TMEM273: variants seen among roughly 807,000 people sequenced by gnomAD.
TMEM273 encodes the protein transmembrane protein 273.
A neutral mutation model predicts 17.9 loss-of-function variants in TMEM273; 19 were observed. The observed-to-expected ratio is 1.06, with a 90% CI of 0.74 to 1.55. TMEM273 has a LOEUF of 1.55. Ranked by LOEUF, TMEM273 falls within the 40% of genes most tolerant of loss-of-function variation. TMEM273 has a pLI of 0.00. For missense variants in TMEM273, 194 were observed against 155.6 expected, an observed-to-expected ratio of 1.25 and a Z score of -1.31; for synonymous variants, 66 against 62.0, an observed-to-expected ratio of 1.07 and a Z score of -0.31.
At chr10:49,188,195 G>A in intron 1 of TMEM273, 99 bp downstream of exon 1, 2 of 1,309,516 alleles carry the variant, frequency 1.5e-6, no homozygotes, top group Non-Finnish European at 2.2e-6. Flanking sequence ...AAGGGACAGA[G>A]TTATGTTTTA....
chr10:49,167,143 A>G (rs1846247776), intron 2 of TMEM273, 134 bp from the exon 3 acceptor site: 2 of 1,237,354 alleles, frequency 1.6e-6, no homozygotes, highest in East Asian at 2.6e-5. Context: ...CTCACCTTCT[A>G]CTCTCCCATG....
At chr10:49,174,090 A>G (rs1325662880) in intron 1 of TMEM273, among the ~76,000 whole-genome samples, 2 of 152,202 alleles carry the variant, frequency 1.3e-5, no homozygotes, top group Admixed American at 1.3e-4. Flanking sequence ...GGGATGCAGG[A>G]CGCTGACATA....
At chr10:49,176,202 G>A (rs570693506) in intron 1 of TMEM273, among the ~76,000 whole-genome samples, 2 of 152,302 alleles carry the variant, frequency 1.3e-5, no homozygotes, top group East Asian at 3.9e-4. Context: ...AAGCAAACAC[G>A]CCACCACCTG....
Position 49,155,496 on chromosome 10 carries a change from T to C in TMEM273, c.*396A>G, listed in dbSNP as rs888749052. 8 of 239,226 alleles carry C rather than the reference T, an allele frequency of 3.3e-5. No individual in the cohort carries two copies. The highest frequency in any genetic ancestry group is 1.8e-4 in the Admixed American group (3 of 16,994). 14.8% of individuals were successfully genotyped at this position (239,226 alleles called of 1,614,324 possible). ...AAGTAGTGCCTAACTGTTGATAAGA[T>C]GGCAGTGTGTAGGAAGCTGTGTGTT... On this transcript the variant is annotated 3_prime_UTR_variant, in exon 7 of 7. Coordinates refer to ENST00000374153, the MANE Select transcript of TMEM273 (RefSeq NM_001288740.3).
At position 49,165,303 on chromosome 10, in the gene TMEM273, T is replaced by C; in HGVS notation, c.270-20A>G. The C allele has an allele frequency of 6.4e-7, 1 of 1,550,492 alleles. No homozygotes were observed. The highest frequency in any genetic ancestry group is 8.7e-7 in the Non-Finnish European group (1 of 1,146,966). Reference sequence around the variant, plus strand: ...AGCTTTCTGGCAAAGAGCATTCCAATTACAGAAAACAGCAAGTGCAAAGGT... The same window carrying C: ...AGCTTTCTGGCAAAGAGCATTCCAACTACAGAAAACAGCAAGTGCAAAGGT... On this transcript the variant is annotated intron_variant, in intron 4 of 6. Transcript: ENST00000374153.
intron 1 of TMEM273, among the ~76,000 whole-genome samples, chr10:49,184,748 G>A (rs1182239742): frequency 6.6e-6 from 1 of 152,210 alleles, no homozygotes; most frequent in Non-Finnish European, 1.5e-5. Context: ...CCCTGCCAGG[G>A]GTGTCTGCTA....
At chr10:49,167,876 C>T in intron 2 of TMEM273, 33 bp downstream of exon 2, 1 of 1,613,068 alleles carries the variant, frequency 6.2e-7, no homozygotes, top group Non-Finnish European at 8.5e-7. Flanking sequence ...TGCCCCTGAC[C>T]CTGTGCACAG....
chr10:49,165,392 A>G, intron 4 of TMEM273, 109 bp from the exon 5 acceptor site: 1 of 1,528,756 alleles, frequency 6.5e-7, no homozygotes, highest in Non-Finnish European at 8.8e-7. Context: ...CCTTGATGCC[A>G]GCAGGGAAGC....
At chr10:49,175,078 T>A (rs1474424553) in intron 1 of TMEM273, among the ~76,000 whole-genome samples, 1 of 150,850 alleles carries the variant, frequency 6.6e-6, no homozygotes, top group Non-Finnish European at 1.5e-5. Context: ...CAGCAGGGAC[T>A]GGAATGGAAT....
Position 49,165,199 on chromosome 10 carries a change from T to C in TMEM273, c.348+6A>G. 6.5e-7 allele frequency: 1 copy of C among 1,547,998 alleles called. No individual in the cohort carries two copies. On this transcript the variant is annotated splice_donor_region_variant and intron_variant, in intron 5 of 6. Coordinates refer to ENST00000374153, the MANE Select transcript of TMEM273 (RefSeq NM_001288740.3). The stretch of plus-strand genomic sequence containing the variant: ...AATGGTGGCTGGAGTCGAGAGGGGA[T>C]TGTACCTTAAATAGGCCCTCCATGA...
chr10:49,187,255 TG>T (rs1210159887), intron 1 of TMEM273, among the ~76,000 whole-genome samples: 3 of 152,172 alleles, frequency 2.0e-5, no homozygotes, highest in Admixed American at 1.3e-4. Flanking sequence ...CCCGTTTCCA[TG>T]TGTAAACTGA....
At chr10:49,179,041 C>G (rs566456482) in intron 1 of TMEM273, among the ~76,000 whole-genome samples, 8 of 152,228 alleles carry the variant, frequency 5.3e-5, no homozygotes, top group African/African-American at 1.9e-4. Context: ...CAGCTGGGGT[C>G]CAGGCAGGAG....
At chr10:49,160,247 A>G (rs1845759877) in intron 6 of TMEM273, 1 of 152,212 alleles carries the variant, frequency 6.6e-6, no homozygotes, top group Non-Finnish European at 1.5e-5. Context: ...TCTAATTTCT[A>G]CAAATGTAGA....
At chr10:49,164,719 C>A (rs575326008) in intron 5 of TMEM273, among the ~76,000 whole-genome samples, 1 of 152,192 alleles carries the variant, frequency 6.6e-6, no homozygotes, top group African/African-American at 2.4e-5. Context: ...CATTCATGAG[C>A]TTCTCTTAGT....
At chr10:49,156,667 A>C (rs1845530607) in intron 6 of TMEM273, among the ~76,000 whole-genome samples, 1 of 152,222 alleles carries the variant, frequency 6.6e-6, no homozygotes, top group African/African-American at 2.4e-5. Flanking sequence ...GACAGCTAAG[A>C]TCTCCTCATG....
chr10:49,187,930 T>A (rs1847825821), intron 1 of TMEM273, among the ~76,000 whole-genome samples: 1 of 152,160 alleles, frequency 6.6e-6, no homozygotes, highest in Admixed American at 6.5e-5. Flanking sequence ...TCTCTTGAAA[T>A]CCCAAAAAGT....
At chr10:49,181,100 A>G (rs1004415343) in intron 1 of TMEM273, among the ~76,000 whole-genome samples, 1 of 152,234 alleles carries the variant, frequency 6.6e-6, no homozygotes, top group African/African-American at 2.4e-5. Context: ...TGATGTCTCC[A>G]TATGCTCACA....
chr10:49,162,774 CAG>C (rs1170072996), intron 5 of TMEM273, among the ~76,000 whole-genome samples: 1 of 152,214 alleles, frequency 6.6e-6, no homozygotes, highest in African/African-American at 2.4e-5. Context: ...CCATTCAAAA[CAG>C]ACTCCTCCTG....
chr10:49,167,035 C>T (rs752302421), intron 2 of TMEM273, 26 bp from the exon 3 acceptor site: 11 of 1,611,040 alleles, frequency 6.8e-6, no homozygotes, highest in Non-Finnish European at 8.5e-6. Context: ...GAATTGAACA[C>T]CCGGTTTCAG....
Sources: gnomAD v4.1 joint callset for allele counts (sites outside exome capture counted in the v4.1 genomes callset) on GRCh38, gnomAD v4.1.1 for gene constraint, MANE v1.5 for transcripts, NCBI Gene and HGNC (gene_info 2026-07-23, HGNC 2026-07-21) for gene names.